PKHD1: variants seen among roughly 807,000 people sequenced by gnomAD.
PKHD1 encodes the protein fibrocystin.
Under a neutral mutation model 412.0 loss-of-function variants are expected in PKHD1, and 291 were observed. The observed-to-expected ratio is 0.71, with a 90% CI of 0.64 to 0.78. PKHD1 has a LOEUF of 0.78. PKHD1 is among the 30% of genes least tolerant of loss of function. The pLI is 0.00. For synonymous variants in PKHD1, 1,777 were observed against 1,821.5 expected, an observed-to-expected ratio of 0.98 and a Z score of 0.62; for missense variants, 4,825 against 4,950.7, an observed-to-expected ratio of 0.97 and a Z score of 0.76.
At chr6:52,028,050 T>G in intron 30 of PKHD1, 106 bp downstream of exon 30, 2 of 1,286,164 alleles carry the variant, frequency 1.6e-6, no homozygotes, top group Non-Finnish European at 2.3e-6. Context: ...GTCTTTAACC[T>G]CTAACTTCCA....
In PKHD1 at chr6:51,886,923, A is replaced by G. The variant is rs552380028; in HGVS notation, c.7109+210T>C. Among the ~76,000 whole-genome samples, 133 of 152,310 alleles carry G rather than the reference A, an allele frequency of 8.7e-4. No homozygotes were observed. The Middle Eastern group carries it at 0.01, about 12-fold the overall frequency. On this transcript the variant is annotated intron_variant, in intron 44 of 66. Transcript: ENST00000371117. ...ATGGTGATGATGGTTGCAGGGGTGT[A>G]TACTTATCTCCAAACTCATCAAGTT...
chr6:51,651,866 C>T (rs948002339), intron 61 of PKHD1, among the ~76,000 whole-genome samples: 7 of 152,106 alleles, frequency 4.6e-5, no homozygotes, highest in African/African-American at 1.2e-4. Context: ...GCTGTGACGA[C>T]GGGAGTCACC....
rs1414358425 is a variant in PKHD1, at chr6:51,909,373, G to T, written c.6592C>A (p.Gln2198Lys). Residue 2198 changes from glutamine (Q) to lysine (K), a missense_variant, in exon 40 of 67, where the codon CAG becomes AAG. Physicochemically the swap from Gln to Lys is moderately conservative, Grantham distance 53 (BLOSUM62 1). Transcript: ENST00000371117. Reference sequence around the variant, plus strand: ...AACTGCACTCCCTTCAACTGGACCTGGCTGGGCTCTTCTGGGAAGGACTGA... The same window carrying T: ...AACTGCACTCCCTTCAACTGGACCTTGCTGGGCTCTTCTGGGAAGGACTGA... ...IVQSFPEEPS[Q>K]VQLKGVQFQV... The T allele has an allele frequency of 2.5e-6, 4 of 1,613,462 alleles. No individual in the cohort carries two copies. The East Asian group carries it at 6.7e-5, about 27-fold the overall frequency.
intron 34 of PKHD1, 116 bp from the exon 35 acceptor site, chr6:52,010,575 G>A: frequency 3.4e-6 from 3 of 880,096 alleles, no homozygotes; most frequent in Non-Finnish European, 5.5e-6. Flanking sequence ...GCCACCATTT[G>A]TCAAATTTTG....
At chr6:51,718,600 G>C (rs976755166) in intron 60 of PKHD1, among the ~76,000 whole-genome samples, 13 of 152,138 alleles carry the variant, frequency 8.5e-5, no homozygotes, top group African/African-American at 3.1e-4. Flanking sequence ...TGGGCACAGA[G>C]AGATTATACC....
intron 29 of PKHD1, 40 bp downstream of exon 29, chr6:52,032,990 C>T (rs778000963): frequency 1.7e-5 from 26 of 1,570,686 alleles, no homozygotes; most frequent in Non-Finnish European, 2.1e-5. Flanking sequence ...AGGACCAATG[C>T]TCTAAGAAGA....
intron 60 of PKHD1, among the ~76,000 whole-genome samples, chr6:51,687,444 C>T (rs998555541): frequency 8.5e-5 from 13 of 152,132 alleles, no homozygotes; most frequent in African/African-American, 3.1e-4. Flanking sequence ...TCCTGTATTT[C>T]TATTCTACAG....
chr6:51,944,382 TCA>T (rs1476843370), intron 36 of PKHD1, among the ~76,000 whole-genome samples: 6 of 152,242 alleles, frequency 3.9e-5, no homozygotes, highest in African/African-American at 1.4e-4. Context: ...GCCTTGTTGC[TCA>T]CACAAAGCCT....
chr6:51,644,981 A>G (rs566671522), intron 63 of PKHD1, among the ~76,000 whole-genome samples: 2 of 152,226 alleles, frequency 1.3e-5, no homozygotes, highest in South Asian at 4.1e-4. Context: ...CCCGGCCAAT[A>G]AACCGAATTT....
At chr6:51,801,143 T>C (rs1219190574) in intron 52 of PKHD1, among the ~76,000 whole-genome samples, 6 of 152,222 alleles carry the variant, frequency 3.9e-5, no homozygotes, top group Non-Finnish European at 7.3e-5. Flanking sequence ...ATTTTCTTTC[T>C]TTTGTGGTCT....
chr6:51,837,727 AAT>A (rs1188245433), intron 50 of PKHD1, among the ~76,000 whole-genome samples: 2 of 152,116 alleles, frequency 1.3e-5, no homozygotes, highest in Non-Finnish European at 2.9e-5. Context: ...AAAAATGAAA[AAT>A]AAAAATAAAA....
At chr6:52,012,197 C>G (rs567697260) in intron 34 of PKHD1, among the ~76,000 whole-genome samples, 117 of 152,314 alleles carry the variant, frequency 7.7e-4, no homozygotes, top group African/African-American at 2.7e-3. Flanking sequence ...TGCCAATAAT[C>G]AAGTACCTAT....
At chr6:51,863,851 T>C (rs993667066) in intron 48 of PKHD1, among the ~76,000 whole-genome samples, 184 of 152,284 alleles carry the variant, frequency 1.2e-3, no homozygotes, top group African/African-American at 1.6e-3. Context: ...AGTCCACTAT[T>C]TTTTATTTAT....
At chr6:51,698,499 T>C (rs1241671217) in intron 60 of PKHD1, among the ~76,000 whole-genome samples, 2 of 152,076 alleles carry the variant, frequency 1.3e-5, no homozygotes, top group Non-Finnish European at 2.9e-5. Context: ...CCTCAAAAGC[T>C]TCAGATAATT....
At chr6:52,058,157 C>T (rs1808070732) in intron 16 of PKHD1, among the ~76,000 whole-genome samples, 166 bp downstream of exon 16, 1 of 152,314 alleles carries the variant, frequency 6.6e-6, no homozygotes, top group African/African-American at 2.4e-5. Flanking sequence ...TAAGACATCA[C>T]ATTTTTGTAA....
intron 60 of PKHD1, among the ~76,000 whole-genome samples, chr6:51,722,745 C>T (rs1249242965): frequency 6.6e-6 from 1 of 152,164 alleles, no homozygotes; most frequent in African/African-American, 2.4e-5. Context: ...GGGAAAGCCA[C>T]ATGCTAATGT....
intron 52 of PKHD1, among the ~76,000 whole-genome samples, chr6:51,794,446 G>C (rs1332184047): frequency 6.6e-6 from 1 of 152,012 alleles, no homozygotes; most frequent in African/African-American, 2.4e-5. Context: ...TGCATAGATT[G>C]CAAAATTTTT....
At chr6:51,811,167 A>C (rs981489348) in intron 52 of PKHD1, among the ~76,000 whole-genome samples, 1 of 152,150 alleles carries the variant, frequency 6.6e-6, no homozygotes, top group African/African-American at 2.4e-5. Flanking sequence ...TATGGTGATT[A>C]TGTGTTCCTT....
At chr6:51,677,384 G>A (rs536436002) in intron 60 of PKHD1, among the ~76,000 whole-genome samples, 3 of 152,168 alleles carry the variant, frequency 2.0e-5, no homozygotes, top group Admixed American at 6.5e-5. Flanking sequence ...GCCACAAAAC[G>A]CCCAAGAGTG....
Sources: gnomAD v4.1 joint callset for allele counts (sites outside exome capture counted in the v4.1 genomes callset) on GRCh38, gnomAD v4.1.1 for gene constraint, MANE v1.5 for transcripts, NCBI Gene and HGNC (gene_info 2026-07-23, HGNC 2026-07-21) for gene names.